The following ATXN1 variants were observed in gnomAD, a reference collection of about 807,000 sequenced individuals.
ATXN1 encodes ataxin 1.
A neutral mutation model predicts 56.4 loss-of-function variants in ATXN1; 8 were observed. The ratio of observed to expected loss-of-function variants is 0.14; its 90% CI spans 0.08 to 0.26. The LOEUF (loss-of-function observed/expected upper bound fraction) is 0.26. Ranked by LOEUF, ATXN1 falls within the 10% of genes least tolerant of loss-of-function variation. ATXN1 has a pLI of 1.00. For missense variants in ATXN1, 987 were observed against 1,106.5 expected, an observed-to-expected ratio of 0.89 and a Z score of 1.53; for synonymous variants, 514 against 494.6, an observed-to-expected ratio of 1.04 and a Z score of -0.52.
chr6:16,474,488 C>T (rs781302360), intron 6 of ATXN1, among the ~76,000 whole-genome samples: 3 of 152,214 alleles, frequency 2.0e-5, no homozygotes, highest in Non-Finnish European at 4.4e-5. Context: ...CTGGATTAAC[C>T]AGTCCCAGCC....
chr6:16,756,118 C>G (rs1331388124), intron 1 of ATXN1, among the ~76,000 whole-genome samples: 2 of 151,492 alleles, frequency 1.3e-5, no homozygotes, highest in Non-Finnish European at 2.9e-5. Flanking sequence ...TATTACTACA[C>G]TAATAAAGAC....
intron 6 of ATXN1, among the ~76,000 whole-genome samples, chr6:16,438,193 G>C (rs1452547766): frequency 1.3e-5 from 2 of 152,120 alleles, no homozygotes; most frequent in African/African-American, 4.8e-5. Context: ...ATGCCGGCTC[G>C]CCTGCCTCTC....
intron 3 of ATXN1, among the ~76,000 whole-genome samples, chr6:16,605,522 G>T (rs969411337): frequency 2.6e-5 from 4 of 152,176 alleles, no homozygotes; most frequent in Non-Finnish European, 4.4e-5. Flanking sequence ...TATTTTGTAA[G>T]AACATTTGCT....
chr6:16,635,711 C>A (rs1763583928), intron 3 of ATXN1, among the ~76,000 whole-genome samples: 1 of 152,190 alleles, frequency 6.6e-6, no homozygotes. Context: ...ATGTCTGAAT[C>A]TGCAGAGAAA....
chr6:16,528,225 C>T (rs1033386620), intron 4 of ATXN1, among the ~76,000 whole-genome samples: 7 of 151,122 alleles, frequency 4.6e-5, no homozygotes, highest in African/African-American at 9.7e-5. Flanking sequence ...CTCTTTAACC[C>T]GGGAGGTGGA....
intron 2 of ATXN1, among the ~76,000 whole-genome samples, chr6:16,699,741 C>T (rs1317855684): frequency 6.6e-6 from 1 of 152,112 alleles, no homozygotes; most frequent in African/African-American, 2.4e-5. Flanking sequence ...TCAGACTTCC[C>T]CAAATGAAAT....
chr6:16,486,505 C>T (rs992859954), intron 5 of ATXN1, among the ~76,000 whole-genome samples: 1 of 152,098 alleles, frequency 6.6e-6, no homozygotes, highest in Non-Finnish European at 1.5e-5. Context: ...ACACAGTTCC[C>T]GAGAAGAAAT....
intron 3 of ATXN1, among the ~76,000 whole-genome samples, chr6:16,619,394 G>C (rs1359482831): frequency 1.3e-5 from 2 of 152,150 alleles, no homozygotes; most frequent in Admixed American, 6.5e-5. Flanking sequence ...TTAAATGCTA[G>C]ATAAATAGAT....
At chr6:16,565,499 T>C (rs1457398474) in intron 4 of ATXN1, among the ~76,000 whole-genome samples, 2 of 152,198 alleles carry the variant, frequency 1.3e-5, no homozygotes, top group East Asian at 3.8e-4. Flanking sequence ...TCAACAGTGT[T>C]TTTAAAGGAA....
intron 6 of ATXN1, among the ~76,000 whole-genome samples, chr6:16,455,021 A>AAC (rs1333039448): frequency 6.6e-6 from 1 of 152,170 alleles, no homozygotes; most frequent in East Asian, 1.9e-4. Context: ...AGGATATATG[A>AAC]ACTTGAGGTC....
At position 16,667,949 on chromosome 6, in the gene ATXN1, G is replaced by A. The variant is rs188039715; in HGVS notation, c.-614-10048C>T. Among the ~76,000 whole-genome samples the A allele has an allele frequency of 1.8e-3, 272 of 152,190 alleles. 2 individuals are homozygous for A. The highest frequency in any genetic ancestry group is 6.8e-3 in the Middle Eastern group (2 of 294). On this transcript the variant is annotated intron_variant, in intron 2 of 7. Coordinates refer to ENST00000436367, the MANE Select transcript of ATXN1 (RefSeq NM_001128164.2). ...GCTCACTCTTTCCCCAAAGTGCCTC[G>A]GGCCAGGACTCCCATCAAGGTGGGC...
intron 5 of ATXN1, among the ~76,000 whole-genome samples, chr6:16,496,009 CATA>C (rs1445526648): frequency 6.6e-6 from 1 of 152,182 alleles, no homozygotes; most frequent in Non-Finnish European, 1.5e-5. Context: ...CAGAACTTTC[CATA>C]ATAATATTAC....
At chr6:16,672,847 C>G (rs114938585) in intron 2 of ATXN1, among the ~76,000 whole-genome samples, 1,592 of 151,868 alleles carry the variant, frequency 0.01, 33 homozygotes, top group African/African-American at 0.037. Context: ...TGGAGAAACC[C>G]CACTCTAGTA....
chr6:16,517,789 C>T (rs931319817), intron 5 of ATXN1, among the ~76,000 whole-genome samples: 4 of 152,198 alleles, frequency 2.6e-5, no homozygotes, highest in African/African-American at 9.7e-5. Flanking sequence ...CACACATGCA[C>T]ACATGCCAAC....
intron 5 of ATXN1, among the ~76,000 whole-genome samples, chr6:16,518,405 T>A (rs1418963936): frequency 6.6e-6 from 1 of 152,214 alleles, no homozygotes; most frequent in Non-Finnish European, 1.5e-5. Flanking sequence ...GATTTGGGCC[T>A]CTTTCTCCTT....
At chr6:16,312,097 A>C (rs561037892) in intron 7 of ATXN1, among the ~76,000 whole-genome samples, 3 of 152,332 alleles carry the variant, frequency 2.0e-5, no homozygotes, top group East Asian at 1.9e-4. Flanking sequence ...ATTTTCTGAA[A>C]ATAACATCTA....
chr6:16,471,350 T>G (rs1054406788), intron 6 of ATXN1, among the ~76,000 whole-genome samples: 4 of 152,178 alleles, frequency 2.6e-5, no homozygotes, highest in African/African-American at 4.8e-5. Flanking sequence ...GAAACTGAAC[T>G]ATGGTTAGTA....
chr6:16,696,715 T>C (rs1329323374), intron 2 of ATXN1, among the ~76,000 whole-genome samples: 4 of 152,214 alleles, frequency 2.6e-5, no homozygotes, highest in African/African-American at 4.8e-5. Context: ...GAGGAACCTA[T>C]GATGGGAAAA....
chr6:16,479,208 A>G (rs1203071008), intron 6 of ATXN1, among the ~76,000 whole-genome samples: 3 of 152,310 alleles, frequency 2.0e-5, no homozygotes, highest in Non-Finnish European at 2.9e-5. Flanking sequence ...AAGCACAAAT[A>G]CAAAAAAAAA....
Sources: gnomAD v4.1 joint callset for allele counts (sites outside exome capture counted in the v4.1 genomes callset) on GRCh38, gnomAD v4.1.1 for gene constraint, MANE v1.5 for transcripts, NCBI Gene and HGNC (gene_info 2026-07-23, HGNC 2026-07-21) for gene names.